SND1: variants seen among roughly 807,000 people sequenced by gnomAD.
SND1 encodes the protein staphylococcal nuclease and tudor domain containing 1.
SND1 carries 38 observed loss-of-function variants against 121.7 expected under a neutral mutation model. That is an observed-to-expected ratio of 0.31 (90% CI 0.24 to 0.41). The LOEUF (loss-of-function observed/expected upper bound fraction) is 0.41, where lower values mean the gene tolerates loss of function less well. Ranked by LOEUF, SND1 falls within the 10% of genes least tolerant of loss-of-function variation. The pLI, the probability that SND1 is intolerant of heterozygous loss-of-function variation, is 1.00. For missense variants in SND1, 868 were observed against 1,184.6 expected, an observed-to-expected ratio of 0.73 and a Z score of 3.92; for synonymous variants, 401 against 447.4, an observed-to-expected ratio of 0.90 and a Z score of 1.31.
intron 10 of SND1, among the ~76,000 whole-genome samples, chr7:127,806,481 C>T (rs1798241486): frequency 6.6e-6 from 1 of 152,178 alleles, no homozygotes; most frequent in Non-Finnish European, 1.5e-5. Flanking sequence ...TCCTGCCTCT[C>T]TTCTTTTGGT....
At chr7:128,049,674 A>G (rs544832471) in intron 16 of SND1, among the ~76,000 whole-genome samples, 2 of 152,314 alleles carry the variant, frequency 1.3e-5, no homozygotes, top group East Asian at 3.9e-4. Context: ...TGGCCCTGTC[A>G]CTTACCAGCT....
chr7:127,926,707 C>T (rs764671272), intron 14 of SND1, among the ~76,000 whole-genome samples: 1 of 149,658 alleles, frequency 6.7e-6, no homozygotes, highest in Non-Finnish European at 1.5e-5. Flanking sequence ...TGCCCACCAC[C>T]ACACCCGGCT....
chr7:127,789,919 A>G (rs2116538361), intron 10 of SND1, among the ~76,000 whole-genome samples: 1 of 152,296 alleles, frequency 6.6e-6, no homozygotes, highest in Admixed American at 6.5e-5. Flanking sequence ...AAATATTTGT[A>G]TTTTTAAATT....
intron 22 of SND1, 99 bp from the exon 23 acceptor site, chr7:128,091,738 G>C: frequency 8.0e-7 from 1 of 1,252,296 alleles, no homozygotes; most frequent in Non-Finnish European, 1.2e-6. Flanking sequence ...GCTTGAGCAA[G>C]GGAGAGCTCT....
chr7:127,777,120 A>G (rs760988180), intron 10 of SND1, among the ~76,000 whole-genome samples: 3 of 152,234 alleles, frequency 2.0e-5, no homozygotes, highest in Non-Finnish European at 4.4e-5. Context: ...GAAGTTATTC[A>G]GTGACCCAGC....
chr7:127,971,987 C>A (rs1196265582), intron 15 of SND1, among the ~76,000 whole-genome samples: 1 of 151,972 alleles, frequency 6.6e-6, no homozygotes, highest in Non-Finnish European at 1.5e-5. Context: ...GTTGCCCAGG[C>A]TGGTCTCGAA....
At position 127,702,437 on chromosome 7, in the gene SND1, A is replaced by G. The variant is rs1277276563; in HGVS notation, c.592A>G (p.Ile198Val). The G allele has an allele frequency of 3.1e-6, 5 of 1,613,990 alleles. No homozygotes were observed. In the East Asian group the frequency reaches 6.7e-5, roughly 22 times the overall value. Residue 198 changes from isoleucine (I) to valine (V), a missense_variant and splice_region_variant, in exon 6 of 24, where the codon ATC (isoleucine) becomes GTC (valine). Coordinates refer to ENST00000354725, the MANE Select transcript of SND1 (RefSeq NM_014390.4). ...AAGCTGTTTATTCTGTCACACAGCT[A>G]TCATCGAGCATGTGCGGGACGGCAG... is the stretch of plus-strand genomic sequence containing the variant. ...DSHHQKPVNA[I>V]IEHVRDGSVV... is the part of the protein sequence containing the mutation.
At chr7:127,762,178 G>A (rs1432418004) in intron 10 of SND1, among the ~76,000 whole-genome samples, 1 of 152,160 alleles carries the variant, frequency 6.6e-6, no homozygotes, top group Non-Finnish European at 1.5e-5. Flanking sequence ...GGAACACATG[G>A]AAATGTCCTC....
At chr7:128,010,529 T>G (rs1803091509) in intron 16 of SND1, among the ~76,000 whole-genome samples, 1 of 152,206 alleles carries the variant, frequency 6.6e-6, no homozygotes, top group African/African-American at 2.4e-5. Context: ...ACGGAGAGGC[T>G]TCCAGTGAGT....
chr7:127,948,040 G>A (rs1475059876), intron 15 of SND1, among the ~76,000 whole-genome samples: 1 of 152,156 alleles, frequency 6.6e-6, no homozygotes, highest in Non-Finnish European at 1.5e-5. Context: ...GTAGGGTTGA[G>A]GTAGGAAACC....
intron 16 of SND1, among the ~76,000 whole-genome samples, chr7:128,032,824 C>T (rs1420321483): frequency 1.3e-5 from 2 of 152,164 alleles, no homozygotes; most frequent in African/African-American, 4.8e-5. Flanking sequence ...CTCCTGTGCT[C>T]TCACTGGGGC....
intron 1 of SND1, among the ~76,000 whole-genome samples, chr7:127,655,212 T>C (rs1370778758): frequency 6.6e-6 from 1 of 152,246 alleles, no homozygotes; most frequent in East Asian, 1.9e-4. Flanking sequence ...TCCTCTTTTT[T>C]GGCAAAAGAA....
intron 16 of SND1, among the ~76,000 whole-genome samples, chr7:128,060,314 C>G (rs570849232): frequency 6.6e-6 from 1 of 152,156 alleles, no homozygotes; most frequent in African/African-American, 2.4e-5. Context: ...TTGGGCAGCT[C>G]ACACAACAAG....
chr7:127,682,988 T>G, intron 1 of SND1, among the ~76,000 whole-genome samples: 1 of 152,234 alleles, frequency 6.6e-6, no homozygotes, highest in East Asian at 1.9e-4. Flanking sequence ...ATATAGACCC[T>G]TGGCCTTTTT....
rs562667098 is a variant in SND1, at chr7:128,066,046, G to A, written c.1780-8456G>A. Among the ~76,000 whole-genome samples the A allele has an allele frequency of 1.1e-4, 17 of 152,340 alleles. No individual in the cohort carries two copies. The East Asian group carries it at 2.5e-3, about 22-fold the overall frequency. On this transcript the variant is annotated intron_variant, in intron 16 of 23. Transcript: ENST00000354725. ...TGCCTGCACCAAAGGAACAGATTGC[G>A]TCAGTTTGTAAACTGTGTTAGCGCT...
intron 3 of SND1, among the ~76,000 whole-genome samples, chr7:127,695,723 G>A (rs1382785595): frequency 6.6e-6 from 1 of 152,192 alleles, no homozygotes; most frequent in Non-Finnish European, 1.5e-5. Context: ...CTACTCGGGA[G>A]GCTGAGGTGG....
chr7:127,766,549 G>C (rs1206979034), intron 10 of SND1, among the ~76,000 whole-genome samples: 1 of 151,990 alleles, frequency 6.6e-6, no homozygotes, highest in Non-Finnish European at 1.5e-5. Context: ...GCCAAGGCGG[G>C]CGAATCACGA....
intron 11 of SND1, among the ~76,000 whole-genome samples, chr7:127,842,529 A>T (rs1174233822): frequency 6.6e-6 from 1 of 152,134 alleles, no homozygotes; most frequent in East Asian, 1.9e-4. Flanking sequence ...CATCTAGTCC[A>T]TTCTATCTCC....
rs76922495 is a variant in SND1, at chr7:127,932,072, G to C, written c.1669+2743G>C. ...TTGATTTTCAAACCTTACTATTTAA[G>C]AAATATGTTTTGTAAGCCTAAAGCT... On this transcript the variant is annotated intron_variant, in intron 15 of 23. Coordinates refer to ENST00000354725, the MANE Select transcript of SND1 (RefSeq NM_014390.4). Among the ~76,000 whole-genome samples, 1,191 of 152,298 alleles carry C rather than the reference G, an allele frequency of 7.8e-3. 19 individuals are homozygous for C. Among genetic ancestry groups the C allele is most frequent in the African/African-American group, 0.027 (1,113 of 41,572 alleles).
Sources: gnomAD v4.1 joint callset for allele counts (sites outside exome capture counted in the v4.1 genomes callset) on GRCh38, gnomAD v4.1.1 for gene constraint, MANE v1.5 for transcripts, NCBI Gene and HGNC (gene_info 2026-07-23, HGNC 2026-07-21) for gene names.